CDH18: variants seen among roughly 807,000 people sequenced by gnomAD.
CDH18 encodes the protein cadherin-18.
A neutral mutation model predicts 67.9 loss-of-function variants in CDH18; 31 were observed. The observed-to-expected ratio is 0.46, with a 90% CI of 0.34 to 0.62. CDH18 has a LOEUF of 0.62. CDH18 is among the 20% of genes least tolerant of loss of function. The pLI, the probability that CDH18 is intolerant of heterozygous loss-of-function variation, is 0.01. For missense variants in CDH18, 890 were observed against 975.5 expected (o/e 0.91, Z 1.17); for synonymous variants, 362 against 347.2 (o/e 1.04, Z -0.48).
intron 3 of CDH18, among the ~76,000 whole-genome samples, chr5:19,785,470 T>C (rs1775601631): frequency 6.7e-6 from 1 of 149,920 alleles, no homozygotes; most frequent in Non-Finnish European, 1.5e-5. Flanking sequence ...CTAACCAACA[T>C]GGAGAAACCC....
intron 1 of CDH18, among the ~76,000 whole-genome samples, chr5:20,460,952 G>C (rs1488751570): frequency 6.6e-6 from 1 of 152,082 alleles, no homozygotes; most frequent in East Asian, 1.9e-4. Context: ...GTATCCTCAG[G>C]AGCTAGCAAT....
chr5:20,001,226 A>G (rs149812948), intron 2 of CDH18, among the ~76,000 whole-genome samples: 4 of 152,262 alleles, frequency 2.6e-5, no homozygotes, highest in Non-Finnish European at 4.4e-5. Context: ...ATGTTGCTTT[A>G]TAAAAGGACT....
At chr5:20,043,696 T>G (rs1270353866) in intron 2 of CDH18, among the ~76,000 whole-genome samples, 2 of 152,186 alleles carry the variant, frequency 1.3e-5, no homozygotes, top group African/African-American at 4.8e-5. Flanking sequence ...GCAATTGAAG[T>G]CTGTAAATAG....
chr5:20,363,803 T>C (rs955035988), intron 1 of CDH18, among the ~76,000 whole-genome samples: 1 of 152,120 alleles, frequency 6.6e-6, no homozygotes, highest in South Asian at 2.1e-4. Flanking sequence ...GTGGCCATTA[T>C]TTTTAACAGG....
At chr5:19,705,232 C>G (rs1763800241) in intron 5 of CDH18, among the ~76,000 whole-genome samples, 1 of 152,170 alleles carries the variant, frequency 6.6e-6, no homozygotes. Context: ...TGATTTCTCA[C>G]ACTGGTTTAA....
At chr5:20,128,615 T>C (rs374404654) in intron 2 of CDH18, among the ~76,000 whole-genome samples, 2 of 152,236 alleles carry the variant, frequency 1.3e-5, no homozygotes, top group Admixed American at 1.3e-4. Flanking sequence ...CAAATCAAAA[T>C]GTGTTACCTT....
At chr5:20,055,990 C>CTTTTTTTTTT (rs34736791) in intron 2 of CDH18, among the ~76,000 whole-genome samples, 40 of 73,808 alleles carry the variant, frequency 5.4e-4, no homozygotes, top group African/African-American at 7.9e-4. Context: ...TTTTGGTTTC[C>CTTTTTTTTTT]TTTTTTTTTT....
chr5:19,994,544 C>A (rs1346374035), intron 2 of CDH18, among the ~76,000 whole-genome samples: 1 of 149,582 alleles, frequency 6.7e-6, no homozygotes, highest in Non-Finnish European at 1.5e-5. Flanking sequence ...TGAAACTACT[C>A]AGTAAAATAT....
At chr5:19,617,602 C>T (rs55694751) in intron 5 of CDH18, among the ~76,000 whole-genome samples, 2 of 152,298 alleles carry the variant, frequency 1.3e-5, no homozygotes, top group East Asian at 3.9e-4. Context: ...GTTGGAAAGG[C>T]TTCACTGGCA....
chr5:20,465,224 T>C (rs1370951619), intron 1 of CDH18, among the ~76,000 whole-genome samples: 2 of 151,490 alleles, frequency 1.3e-5, no homozygotes, highest in African/African-American at 2.4e-5. Context: ...AAGAGAAGAC[T>C]GAAAATAAAA....
rs564743525 is a variant in CDH18 at position 20,446,917 on chromosome 5, A to G, written c.-580+128545T>C. Among the ~76,000 whole-genome samples, 13 of 152,338 alleles carry G rather than the reference A, an allele frequency of 8.5e-5. No homozygotes were observed. In the South Asian group the frequency reaches 2.7e-3, roughly 32 times the overall value. ...CTGGATGTGTGACACAATGTTTTAT[A>G]TACCACCTTTAGAAAACAGATGTAA... On this transcript the variant is annotated intron_variant, in intron 1 of 14. Coordinates refer to the CDH18 transcript ENST00000507958.
intron 6 of CDH18, among the ~76,000 whole-genome samples, chr5:19,592,459 T>A (rs1051107933): frequency 5.3e-5 from 8 of 152,056 alleles, no homozygotes; most frequent in African/African-American, 1.9e-4. Context: ...AGCCCAGGAA[T>A]CTTGAATTAA....
chr5:19,563,219 G>T (rs1463026995), intron 8 of CDH18, among the ~76,000 whole-genome samples: 1 of 151,988 alleles, frequency 6.6e-6, no homozygotes, highest in Non-Finnish European at 1.5e-5. Flanking sequence ...AGCATATTGG[G>T]CTACAAAAAG....
intron 2 of CDH18, among the ~76,000 whole-genome samples, chr5:19,906,791 A>G (rs937385455): frequency 2.6e-5 from 4 of 151,996 alleles, no homozygotes; most frequent in African/African-American, 9.7e-5. Flanking sequence ...AAATAGATCC[A>G]TGATTGGGCC....
At chr5:20,109,902 A>G (rs1276213569) in intron 2 of CDH18, among the ~76,000 whole-genome samples, 1 of 152,184 alleles carries the variant, frequency 6.6e-6, no homozygotes, top group Non-Finnish European at 1.5e-5. Flanking sequence ...AAGTAAAGTC[A>G]CTTGAAACTA....
At chr5:20,100,318 G>T (rs1158194221) in intron 2 of CDH18, among the ~76,000 whole-genome samples, 1 of 151,934 alleles carries the variant, frequency 6.6e-6, no homozygotes, top group South Asian at 2.1e-4. Context: ...TTTTTCCTGA[G>T]ACAGTGTTTT....
chr5:19,487,158 G>A (rs1310722530), intron 11 of CDH18, among the ~76,000 whole-genome samples: 1 of 152,094 alleles, frequency 6.6e-6, no homozygotes, highest in Non-Finnish European at 1.5e-5. Context: ...TATCACATAG[G>A]GAGGATCTTG....
chr5:19,988,246 C>T (rs953000283), upstream of CDH18: 5 of 152,266 alleles, frequency 3.3e-5, no homozygotes, highest in African/African-American at 9.7e-5. Flanking sequence ...TGGGTCTCTG[C>T]AGCTCCCGAG....
chr5:20,371,251 G>A (rs1489097031), intron 1 of CDH18, among the ~76,000 whole-genome samples: 2 of 152,164 alleles, frequency 1.3e-5, no homozygotes, highest in Non-Finnish European at 2.9e-5. Flanking sequence ...CAACTGTTCA[G>A]TGGTTAGAAG....
Sources: allele counts gnomAD v4.1 joint callset (sites outside exome capture counted in the v4.1 genomes callset), GRCh38; gene constraint gnomAD v4.1.1; transcripts MANE v1.5; gene names NCBI Gene and HGNC (gene_info 2026-07-23, HGNC 2026-07-21).